OSTN: variants seen among roughly 807,000 people sequenced by gnomAD.
OSTN encodes the protein osteocrin.
Under a neutral mutation model 12.0 loss-of-function variants are expected in OSTN, and 9 were observed. The observed-to-expected ratio is 0.75, with a 90% CI of 0.45 to 1.30. The LOEUF is 1.30. Among genes scored for constraint, OSTN ranks in the 50% most tolerant of loss-of-function variants. OSTN has a pLI of 0.00. For synonymous variants in OSTN, 59 were observed against 56.9 expected, an observed-to-expected ratio of 1.04 and a Z score of -0.16; for missense variants, 148 against 152.3, an observed-to-expected ratio of 0.97 and a Z score of 0.15.
At chr3:191,225,049 T>A (rs2108537184) in intron 3 of OSTN, among the ~76,000 whole-genome samples, 2 of 152,164 alleles carry the variant, frequency 1.3e-5, no homozygotes, top group Admixed American at 1.3e-4. Context: ...AATGCAAAGC[T>A]GCTTTTATTA....
rs1297715129 is a variant in OSTN, at chr3:191,265,167, CACTT to C, written c.*2316_*2319del. On this transcript the variant is annotated 3_prime_UTR_variant, in exon 5 of 5. Transcript: ENST00000682035. ...TTGTTAAGAATATGACAAGTCATCT[CACTT>C]ATTTATCCAATGCATTAGGTATTAC... 2.6e-5 allele frequency: 4 copies of C among 152,142 alleles called. No individual in the cohort carries two copies. The highest frequency in any genetic ancestry group is 1.9e-4 in the East Asian group (1 of 5,200). 9.4% of individuals were successfully genotyped at this position (152,142 alleles called of 1,614,324 possible).
At chr3:191,207,623 T>C (rs1714311913) in intron 1 of OSTN, among the ~76,000 whole-genome samples, 1 of 152,182 alleles carries the variant, frequency 6.6e-6, no homozygotes, top group Non-Finnish European at 1.5e-5. Context: ...TAAAAATAGC[T>C]CATTGCAACA....
intron 1 of OSTN, among the ~76,000 whole-genome samples, chr3:191,202,646 T>A (rs1714176551): frequency 6.6e-6 from 1 of 152,186 alleles, no homozygotes; most frequent in South Asian, 2.1e-4. Context: ...GTCGTGAAAT[T>A]CCACATTAAC....
intron 4 of OSTN, among the ~76,000 whole-genome samples, chr3:191,258,453 G>A (rs1248295768): frequency 6.6e-6 from 1 of 152,028 alleles, no homozygotes; most frequent in Non-Finnish European, 1.5e-5. Flanking sequence ...AGAACACATG[G>A]ACACAGGGAG....
intron 3 of OSTN, among the ~76,000 whole-genome samples, chr3:191,232,825 G>C (rs1165124142): frequency 1.3e-5 from 2 of 152,128 alleles, no homozygotes; most frequent in Non-Finnish European, 2.9e-5. Flanking sequence ...ATGTTGGCCA[G>C]CCTGGTCTCG....
intron 3 of OSTN, among the ~76,000 whole-genome samples, chr3:191,242,767 A>G (rs1253425256): frequency 2.6e-5 from 4 of 152,206 alleles, no homozygotes; most frequent in Admixed American, 6.5e-5. Context: ...ACATAGGAGA[A>G]TATCTTCATA....
intron 2 of OSTN, among the ~76,000 whole-genome samples, chr3:191,213,115 C>T (rs957634259): frequency 9.2e-5 from 14 of 151,872 alleles, no homozygotes; most frequent in East Asian, 1.9e-4. Flanking sequence ...GAGATCCGCC[C>T]GCCTCAACCT....
rs1406064519 is a variant in OSTN, at chr3:191,264,339, TAA to T, written c.*1489_*1490del. 2 of 152,104 alleles carry T rather than the reference TAA, an allele frequency of 1.3e-5. No individual in the cohort carries two copies. The highest frequency in any genetic ancestry group is 2.9e-5 in the Non-Finnish European group (2 of 67,954). 9.4% of individuals were successfully genotyped at this position (152,104 alleles called of 1,614,324 possible). A position where few individuals can be genotyped will look rare whatever the true frequency, so the allele number is the denominator to read the frequency against. ...CAATGTGCTTTTTAAAGATAAAGTT[TAA>T]AAGAGGCAAAAAGAGGTGAAAGAAA... On this transcript the variant is annotated 3_prime_UTR_variant, in exon 5 of 5. Coordinates refer to ENST00000682035, the MANE Select transcript of OSTN (RefSeq NM_198184.2).
chr3:191,220,877 C>T lies in OSTN; in HGVS notation c.317+1916C>T, dbSNP rs541243918. ...ACTATAGTATACTAAATATACACTG[C>T]GTAAATACTATATAATTTACATTGA... On this transcript the variant is annotated intron_variant, in intron 3 of 4. Transcript: ENST00000682035. 1.2e-4 allele frequency among the ~76,000 whole-genome samples: 19 copies of T among 152,072 alleles called. No homozygotes were observed. The East Asian group carries it at 2.3e-3, about 19-fold the overall frequency.
intron 3 of OSTN, among the ~76,000 whole-genome samples, chr3:191,227,652 G>A (rs188991615): frequency 1.9e-4 from 29 of 152,218 alleles, no homozygotes; most frequent in African/African-American, 6.5e-4. Context: ...GACTCTTAAA[G>A]GCAGTTTGTC....
chr3:191,210,516 T>G (rs952707457), intron 1 of OSTN, among the ~76,000 whole-genome samples: 7 of 152,176 alleles, frequency 4.6e-5, no homozygotes, highest in African/African-American at 1.7e-4. Context: ...TATGCATGAA[T>G]CGATTCAATC....
chr3:191,246,928 T>G (rs1163139042), intron 3 of OSTN, among the ~76,000 whole-genome samples: 4 of 152,208 alleles, frequency 2.6e-5, no homozygotes, highest in Non-Finnish European at 5.9e-5. Context: ...GGTGACTAGA[T>G]TGGCCCAACC....
At chr3:191,242,456 T>G (rs1191952515) in intron 3 of OSTN, among the ~76,000 whole-genome samples, 1 of 152,210 alleles carries the variant, frequency 6.6e-6, no homozygotes, top group Non-Finnish European at 1.5e-5. Context: ...TCTATAGAAC[T>G]TGACGAGCTG....
At chr3:191,225,082 G>C (rs981116234) in intron 3 of OSTN, among the ~76,000 whole-genome samples, 1 of 151,794 alleles carries the variant, frequency 6.6e-6, no homozygotes. Context: ...GACAAGCCAG[G>C]CTTACTTAAG....
chr3:191,259,423 G>A (rs564008936), intron 4 of OSTN, among the ~76,000 whole-genome samples: 3 of 151,730 alleles, frequency 2.0e-5, no homozygotes, highest in African/African-American at 7.2e-5. Flanking sequence ...GGCTGGCCTC[G>A]AACTCGTGAC....
chr3:191,254,159 A>G (rs1437004227), intron 4 of OSTN, among the ~76,000 whole-genome samples: 3 of 152,240 alleles, frequency 2.0e-5, no homozygotes, highest in Non-Finnish European at 4.4e-5. Flanking sequence ...TCTATATGTG[A>G]TGCAGATAAA....
chr3:191,246,069 A>G (rs1361310006), intron 3 of OSTN, among the ~76,000 whole-genome samples: 11 of 24,258 alleles, frequency 4.5e-4, no homozygotes, highest in Non-Finnish European at 1.3e-3. Flanking sequence ...CTCTGTCTCA[A>G]AAAAAAAAAA....
At chr3:191,225,848 T>C (rs1485852071) in intron 3 of OSTN, among the ~76,000 whole-genome samples, 1 of 151,014 alleles carries the variant, frequency 6.6e-6, no homozygotes, top group East Asian at 1.9e-4. Flanking sequence ...GAGAGAGGAG[T>C]TGATAAACTA....
Position 191,250,129 on chromosome 3 carries a change from C to A in OSTN, c.*8C>A. ...TCAAATTCCAGAGGCTAATTGATTC[C>A]AATTGTGAGTACAATTTGAATAAGT... On this transcript the variant is annotated 3_prime_UTR_variant, in exon 4 of 5. Transcript: ENST00000682035. The A allele has an allele frequency of 1.9e-6, 3 of 1,585,116 alleles. No homozygotes were observed. The highest frequency in any genetic ancestry group is 1.7e-6 in the Non-Finnish European group (2 of 1,153,788).
Sources: gnomAD v4.1 joint callset for allele counts (sites outside exome capture counted in the v4.1 genomes callset) on GRCh38, gnomAD v4.1.1 for gene constraint, MANE v1.5 for transcripts, NCBI Gene and HGNC (gene_info 2026-07-23, HGNC 2026-07-21) for gene names.